MKLN1: variants seen among roughly 807,000 people sequenced by gnomAD.
MKLN1 encodes the protein muskelin.
A neutral mutation model predicts 99.0 loss-of-function variants in MKLN1; 18 were observed. The observed-to-expected ratio is 0.18, with a 90% CI of 0.13 to 0.27. The LOEUF (loss-of-function observed/expected upper bound fraction) is 0.27, where lower values mean the gene tolerates loss of function less well. Ranked by LOEUF, MKLN1 falls within the 10% of genes least tolerant of loss-of-function variation. The pLI is 1.00. For synonymous variants in MKLN1, 288 were observed against 293.2 expected (o/e 0.98, Z 0.18); for missense variants, 621 against 875.9 (o/e 0.71, Z 3.67).
intron 3 of MKLN1, among the ~76,000 whole-genome samples, chr7:131,233,380 A>G (rs544394356): frequency 1.7e-5 from 2 of 120,258 alleles, no homozygotes; most frequent in African/African-American, 7.3e-5. Flanking sequence ...CAAAAAATAA[A>G]TAAATAAATA....
intron 2 of MKLN1, among the ~76,000 whole-genome samples, chr7:131,144,255 G>A (rs1294445572): frequency 6.6e-6 from 1 of 152,030 alleles, no homozygotes; most frequent in Non-Finnish European, 1.5e-5. Flanking sequence ...TTGGGAGGCT[G>A]AGGCGGGCGG....
chr7:131,475,589 A>G (rs1796941665), intron 16 of MKLN1, among the ~76,000 whole-genome samples: 1 of 152,180 alleles, frequency 6.6e-6, no homozygotes, highest in Non-Finnish European at 1.5e-5. Flanking sequence ...TGAGGGGTGG[A>G]TCGCCTGAGC....
At chr7:131,329,319 A>T (rs1180783875) in intron 1 of MKLN1, among the ~76,000 whole-genome samples, 6 of 152,364 alleles carry the variant, frequency 3.9e-5, no homozygotes, top group African/African-American at 1.4e-4. Flanking sequence ...AAGGGTGCCA[A>T]GTGACCTGTG....
intron 2 of MKLN1, among the ~76,000 whole-genome samples, chr7:131,146,707 G>A (rs2116274096): frequency 6.6e-6 from 1 of 152,290 alleles, no homozygotes; most frequent in African/African-American, 2.4e-5. Context: ...ATTTCTGGGT[G>A]GTCTACTGAG....
intron 3 of MKLN1, among the ~76,000 whole-genome samples, chr7:131,244,091 C>T (rs909859247): frequency 6.6e-6 from 1 of 152,042 alleles, no homozygotes; most frequent in Admixed American, 6.6e-5. Context: ...TCAAAAGAGG[C>T]CCATTTTTCT....
At chr7:131,428,281 G>A (rs1370178406) in intron 8 of MKLN1, among the ~76,000 whole-genome samples, 1 of 152,178 alleles carries the variant, frequency 6.6e-6, no homozygotes, top group Non-Finnish European at 1.5e-5. Flanking sequence ...GGTAAAGTCT[G>A]TGAATATAAT....
chr7:131,411,921 A>AAAAAAAAAAAAAAAAAAAC (rs1794891872), intron 7 of MKLN1, among the ~76,000 whole-genome samples: 1 of 128,174 alleles, frequency 7.8e-6, no homozygotes, highest in Admixed American at 7.5e-5. Context: ...AAAAAAAAAA[A>AAAAAAAAAAAAAAAAAAAC]AAAAAAAAAA....
intron 11 of MKLN1, 152 bp downstream of exon 11, chr7:131,443,854 A>G (rs1387873418): frequency 3.1e-6 from 2 of 653,544 alleles, no homozygotes; most frequent in African/African-American, 1.8e-5. Flanking sequence ...TTTGCTAATT[A>G]TGAGACTCTT....
At chr7:131,297,545 A>G (rs1379208517) in intron 3 of MKLN1, among the ~76,000 whole-genome samples, 2 of 151,902 alleles carry the variant, frequency 1.3e-5, no homozygotes, top group African/African-American at 4.8e-5. Context: ...GTATGTGTAG[A>G]TTTTAGTATA....
At chr7:131,353,883 G>T (rs1584639543) in intron 1 of MKLN1, among the ~76,000 whole-genome samples, 5 of 99,348 alleles carry the variant, frequency 5.0e-5, no homozygotes, top group East Asian at 3.0e-4. Context: ...TTCCTTTGTT[G>T]AATTGCTTTT....
intron 3 of MKLN1, among the ~76,000 whole-genome samples, chr7:131,243,724 T>C (rs146455519): frequency 2.8e-4 from 42 of 152,294 alleles, no homozygotes; most frequent in African/African-American, 9.9e-4. Flanking sequence ...TTTTTAAAAA[T>C]TATGTCAGGC....
At chr7:131,376,132 A>ATG (rs1554561846) in intron 2 of MKLN1, among the ~76,000 whole-genome samples, 1,026 of 18,674 alleles carry the variant, frequency 0.055, 52 homozygotes, top group Admixed American at 0.27. Context: ...ATATATATAT[A>ATG]TATGTATGAT....
rs1423194937 is a variant in MKLN1 at position 131,493,725 on chromosome 7, C to T, written c.*5997C>T. On this transcript the variant is annotated 3_prime_UTR_variant, in exon 18 of 18. Coordinates refer to ENST00000352689, the MANE Select transcript of MKLN1 (RefSeq NM_013255.5). Reference sequence around the variant, plus strand: ...ATTTCAACATGCAGTTTGGGGGCTCCCTTGCTTATTCACTGAGTTTAAGCT... The same window carrying T: ...ATTTCAACATGCAGTTTGGGGGCTCTCTTGCTTATTCACTGAGTTTAAGCT... 6.6e-6 allele frequency: 1 copy of T among 152,172 alleles called. No individual in the cohort carries two copies. The highest frequency in any genetic ancestry group is 1.5e-5 in the Non-Finnish European group (1 of 68,042). 9.4% of individuals were successfully genotyped at this position (152,172 alleles called of 1,614,324 possible).
intron 6 of MKLN1, among the ~76,000 whole-genome samples, chr7:131,410,350 A>T (rs1039725115): frequency 6.6e-6 from 1 of 152,154 alleles, no homozygotes; most frequent in Non-Finnish European, 1.5e-5. Context: ...TAAAACGGAG[A>T]TGATAATGTG....
rs552741949 is a variant in MKLN1, at chr7:131,428,822, A to G, written c.848-211A>G. Among the ~76,000 whole-genome samples, 12 of 152,286 alleles carry G rather than the reference A, an allele frequency of 7.9e-5. 1 individual carries two copies. In the South Asian group the frequency reaches 2.5e-3, roughly 32 times the overall value. On this transcript the variant is annotated intron_variant, in intron 8 of 17. Coordinates refer to ENST00000352689, the MANE Select transcript of MKLN1 (RefSeq NM_013255.5). ...TATCTGTATTTTTATAAATCTCTCA[A>G]AATAATGGTTCTGCAGCATCCTTTT...
chr7:131,235,127 A>G (rs1584856757), intron 3 of MKLN1, among the ~76,000 whole-genome samples: 1 of 152,114 alleles, frequency 6.6e-6, no homozygotes, highest in Admixed American at 6.5e-5. Context: ...GGTGGCTGGG[A>G]TCAGTTGATA....
At chr7:131,343,013 A>T (rs954185474) in intron 1 of MKLN1, among the ~76,000 whole-genome samples, 64 of 152,254 alleles carry the variant, frequency 4.2e-4, no homozygotes, top group African/African-American at 1.5e-3. Context: ...AATAGGAGGT[A>T]GCAAAGGCTA....
chr7:131,295,674 A>G (rs954788908), intron 3 of MKLN1, among the ~76,000 whole-genome samples: 7 of 152,192 alleles, frequency 4.6e-5, no homozygotes, highest in Non-Finnish European at 7.3e-5. Flanking sequence ...ACTTGAGCTT[A>G]GGAGTCTGAT....
At chr7:131,355,010 G>C (rs578095542) in intron 1 of MKLN1, among the ~76,000 whole-genome samples, 50 of 152,032 alleles carry the variant, frequency 3.3e-4, no homozygotes, top group African/African-American at 1.2e-3. Flanking sequence ...TGAACTCCTG[G>C]CCTTAAGTAA....
Sources: gnomAD v4.1 joint callset for allele counts (sites outside exome capture counted in the v4.1 genomes callset) on GRCh38, gnomAD v4.1.1 for gene constraint, MANE v1.5 for transcripts, NCBI Gene and HGNC (gene_info 2026-07-23, HGNC 2026-07-21) for gene names.